TAFA1: variants seen among roughly 807,000 people sequenced by gnomAD.
The protein encoded by TAFA1 is TAFA chemokine like family member 1.
Under a neutral mutation model 18.5 loss-of-function variants are expected in TAFA1, and 4 were observed. The ratio of observed to expected loss-of-function variants is 0.22; its 90% CI spans 0.11 to 0.49. TAFA1 has a LOEUF of 0.49. Ranked by LOEUF, TAFA1 falls within the 20% of genes least tolerant of loss-of-function variation. TAFA1 has a pLI of 0.98. For synonymous variants in TAFA1, 56 were observed against 55.2 expected, an observed-to-expected ratio of 1.01 and a Z score of -0.06; for missense variants, 147 against 169.0, an observed-to-expected ratio of 0.87 and a Z score of 0.72.
chr3:68,145,811 A>G (rs1018284569), intron 2 of TAFA1, among the ~76,000 whole-genome samples: 2 of 152,210 alleles, frequency 1.3e-5, no homozygotes, highest in African/African-American at 2.4e-5. Flanking sequence ...GAAGTACACA[A>G]AAAGTATTAA....
chr3:68,413,837 C>T (rs771259478), intron 2 of TAFA1, among the ~76,000 whole-genome samples: 1 of 151,990 alleles, frequency 6.6e-6, no homozygotes, highest in African/African-American at 2.4e-5. Flanking sequence ...TCAAGTGTGC[C>T]TCTGATTAAG....
intron 2 of TAFA1, among the ~76,000 whole-genome samples, chr3:68,105,590 C>G (rs965436800): frequency 1.3e-4 from 20 of 152,062 alleles, no homozygotes; most frequent in Admixed American, 1.2e-3. Flanking sequence ...AACACAGAAT[C>G]AAGTATTTAC....
intron 2 of TAFA1, among the ~76,000 whole-genome samples, chr3:68,080,888 G>C (rs933165247): frequency 6.6e-6 from 1 of 152,048 alleles, no homozygotes; most frequent in Non-Finnish European, 1.5e-5. Flanking sequence ...AGTTCTCCTG[G>C]ATAATATCCT....
intron 2 of TAFA1, among the ~76,000 whole-genome samples, chr3:68,241,507 AAATAGTAC>A (rs2066999338): frequency 6.6e-6 from 1 of 152,140 alleles, no homozygotes; most frequent in South Asian, 2.1e-4. Flanking sequence ...GCGCAAAGAG[AAATAGTAC>A]TTTAGAGTGA....
intron 2 of TAFA1, among the ~76,000 whole-genome samples, chr3:68,367,188 T>G (rs889074173): frequency 6.6e-6 from 1 of 152,174 alleles, no homozygotes; most frequent in Non-Finnish European, 1.5e-5. Context: ...CACCTGAAGC[T>G]TTAAGTGGGA....
chr3:68,377,404 C>G (rs550119628), intron 2 of TAFA1, among the ~76,000 whole-genome samples: 2 of 152,302 alleles, frequency 1.3e-5, no homozygotes, highest in East Asian at 3.9e-4. Flanking sequence ...AAAGGTCACT[C>G]TTACTATGCT....
At chr3:68,099,392 A>G (rs920103175) in intron 2 of TAFA1, among the ~76,000 whole-genome samples, 5 of 152,352 alleles carry the variant, frequency 3.3e-5, no homozygotes, top group East Asian at 1.9e-4. Context: ...GTCAACAAAT[A>G]TATGAAAAAA....
In TAFA1 at chr3:68,256,682, G is replaced by A. The variant is rs372994154; in HGVS notation, c.119-160598G>A. Among the ~76,000 whole-genome samples the A allele has an allele frequency of 3.3e-5, 5 of 152,286 alleles. No individual in the cohort carries two copies. In the East Asian group the frequency reaches 7.7e-4, roughly 24 times the overall value. ...ATGTTATTTGGACACTCTGGAAGAA[G>A]AGGATAGCAAATTTGATTCTAGGGT... On this transcript the variant is annotated intron_variant, in intron 2 of 4. Coordinates refer to ENST00000478136, the MANE Select transcript of TAFA1 (RefSeq NM_213609.4).
intron 2 of TAFA1, among the ~76,000 whole-genome samples, chr3:68,378,641 G>T (rs1348122380): frequency 6.6e-6 from 1 of 152,056 alleles, no homozygotes; most frequent in African/African-American, 2.4e-5. Context: ...ATTTGGGAGG[G>T]TCTAAGAGCA....
chr3:68,296,532 A>T (rs201039280), intron 2 of TAFA1, among the ~76,000 whole-genome samples: 2 of 151,754 alleles, frequency 1.3e-5, no homozygotes, highest in East Asian at 3.9e-4. Context: ...AAAATAATAC[A>T]AGGTATCAAG....
At chr3:68,037,055 T>C (rs1299808637) in intron 2 of TAFA1, among the ~76,000 whole-genome samples, 1 of 152,122 alleles carries the variant, frequency 6.6e-6, no homozygotes, top group African/African-American at 2.4e-5. Flanking sequence ...AGCCATGACA[T>C]AGAGCTATGA....
chr3:68,334,737 T>C (rs2068942304), intron 2 of TAFA1, among the ~76,000 whole-genome samples: 1 of 152,156 alleles, frequency 6.6e-6, no homozygotes, highest in South Asian at 2.1e-4. Context: ...TCACTCATGT[T>C]ACATGTCTGA....
Position 68,397,287 on chromosome 3 carries a change from T to G in TAFA1, c.119-19993T>G, listed in dbSNP as rs578200424. ...TTTAAGTCCCGCATGCGTTAGGTAT[T>G]TGTCCTAATGCTGTCCCTCCCCTTG... On this transcript the variant is annotated intron_variant, in intron 2 of 4. Coordinates refer to ENST00000478136, the MANE Select transcript of TAFA1 (RefSeq NM_213609.4). Among the ~76,000 whole-genome samples the G allele has an allele frequency of 9.5e-4, 144 of 152,228 alleles. 1 individual carries two copies. Among genetic ancestry groups the G allele is most frequent in the African/African-American group, 3.3e-3 (137 of 41,536 alleles).
At chr3:68,249,285 C>T (rs2067144833) in intron 2 of TAFA1, among the ~76,000 whole-genome samples, 1 of 152,178 alleles carries the variant, frequency 6.6e-6, no homozygotes, top group Non-Finnish European at 1.5e-5. Flanking sequence ...ATGTTGCCCT[C>T]ACTACCGGGC....
chr3:68,526,166 G>A (rs1300755082), intron 3 of TAFA1, among the ~76,000 whole-genome samples: 2 of 152,124 alleles, frequency 1.3e-5, no homozygotes, highest in Non-Finnish European at 2.9e-5. Context: ...TTTCTCCCTT[G>A]TCTAAAGTTT....
rs370807592 is a variant in TAFA1 at position 68,279,885 on chromosome 3, A to G, written c.119-137395A>G. Among the ~76,000 whole-genome samples, 22 of 152,262 alleles carry G rather than the reference A, an allele frequency of 1.4e-4. 1 individual carries two copies. Among genetic ancestry groups the G allele is most frequent in the African/African-American group, 4.6e-4 (19 of 41,556 alleles). ...CTTTTGTCATTTCTTGACTTTGGAG[A>G]AATTTCAATTTGTAGCCTTAATGAT... On this transcript the variant is annotated intron_variant, in intron 2 of 4. Transcript: ENST00000478136.
intron 2 of TAFA1, among the ~76,000 whole-genome samples, chr3:68,106,796 C>T (rs1355812537): frequency 6.6e-6 from 1 of 151,920 alleles, no homozygotes; most frequent in African/African-American, 2.4e-5. Flanking sequence ...CAAAAAAATA[C>T]AGAAAAAGGC....
intron 2 of TAFA1, among the ~76,000 whole-genome samples, chr3:68,397,174 C>T (rs565199496): frequency 1.3e-5 from 2 of 152,036 alleles, no homozygotes; most frequent in East Asian, 1.9e-4. Context: ...CTTTAAGTTC[C>T]GAGTACATGT....
chr3:68,198,604 T>A (rs890452664), intron 2 of TAFA1, among the ~76,000 whole-genome samples: 4 of 151,646 alleles, frequency 2.6e-5, no homozygotes, highest in African/African-American at 9.7e-5. Flanking sequence ...TTTTTTTTAA[T>A]TTGCATTTTT....
Sources: allele counts gnomAD v4.1 joint callset (sites outside exome capture counted in the v4.1 genomes callset), GRCh38; gene constraint gnomAD v4.1.1; transcripts MANE v1.5; gene names NCBI Gene and HGNC (gene_info 2026-07-23, HGNC 2026-07-21).